Variants in SORT1 observed in about 807,000 individuals in gnomAD.
SORT1 encodes sortilin.
Under a neutral mutation model 101.7 loss-of-function variants are expected in SORT1, and 39 were observed. That is an observed-to-expected ratio of 0.38 (90% CI 0.30 to 0.50). SORT1 has a LOEUF of 0.50. SORT1 is among the 20% of genes least tolerant of loss of function. The pLI is 0.90. For missense variants in SORT1, 878 were observed against 1,040.4 expected, an observed-to-expected ratio of 0.84 and a Z score of 2.15; for synonymous variants, 396 against 393.7, an observed-to-expected ratio of 1.01 and a Z score of -0.07.
intron 14 of SORT1, among the ~76,000 whole-genome samples, chr1:109,324,365 T>C (rs961119392): frequency 6.6e-6 from 1 of 152,200 alleles, no homozygotes; most frequent in Non-Finnish European, 1.5e-5. Flanking sequence ...TTCGAACTCC[T>C]GACCTCGTGA....
chr1:109,342,669 C>T (rs1649306484), intron 8 of SORT1, among the ~76,000 whole-genome samples: 1 of 152,122 alleles, frequency 6.6e-6, no homozygotes, highest in Non-Finnish European at 1.5e-5. Context: ...ATGTAACACG[C>T]CTTCTCTCTA....
chr1:109,333,574 A>G (rs1177432143), intron 11 of SORT1, among the ~76,000 whole-genome samples: 1 of 152,190 alleles, frequency 6.6e-6, no homozygotes, highest in Admixed American at 6.5e-5. Context: ...TAATCCAACT[A>G]AAAAATGGGC....
chr1:109,364,289 T>G (rs1650936899), intron 3 of SORT1, among the ~76,000 whole-genome samples: 1 of 152,190 alleles, frequency 6.6e-6, no homozygotes, highest in Non-Finnish European at 1.5e-5. Context: ...GGTTCTTGTT[T>G]TGGTTTTGAT....
chr1:109,358,089 CA>C (rs1319726099), intron 3 of SORT1, among the ~76,000 whole-genome samples: 1 of 152,160 alleles, frequency 6.6e-6, no homozygotes, highest in Non-Finnish European at 1.5e-5. Flanking sequence ...GCACAACAAA[CA>C]CATCCCTGCC....
At chr1:109,388,213 G>A (rs1234744530) in intron 1 of SORT1, among the ~76,000 whole-genome samples, 1 of 151,798 alleles carries the variant, frequency 6.6e-6, no homozygotes, top group Non-Finnish European at 1.5e-5. Context: ...AACTCTAGAT[G>A]TGCACCACTA....
rs1230620284 is a variant in SORT1, at chr1:109,397,609, T to C, written c.284A>G (p.Lys95Arg). Residue 95 changes from lysine (K) to arginine (R), a missense_variant, in exon 1 of 20, where the codon AAG (lysine) becomes AGG (arginine). Physicochemically the swap from Lys to Arg is conservative, Grantham distance 26 (BLOSUM62 2). Transcript: ENST00000256637. Reference protein sequence around the residue: ...ECGRVRDFVAKLANNTHQHVF... With the variant: ...ECGRVRDFVARLANNTHQHVF... ...CACCTGGTGCGTGTTGTTGGCCAGC[T>C]TGGCGACGAAGTCCCGGACCCGGCC... 9.4e-5 allele frequency: 120 copies of C among 1,282,030 alleles called. No homozygotes were observed. The highest frequency in any genetic ancestry group is 1.1e-4 in the Non-Finnish European group (114 of 1,001,550). 79.4% of individuals were successfully genotyped at this position (1,282,030 alleles called of 1,614,324 possible).
intron 3 of SORT1, among the ~76,000 whole-genome samples, chr1:109,362,393 T>A (rs1302587343): frequency 6.6e-6 from 1 of 152,118 alleles, no homozygotes; most frequent in African/African-American, 2.4e-5. Context: ...AGGTAAAAGA[T>A]CAATAGGGAG....
chr1:109,354,648 G>A, intron 4 of SORT1, 117 bp from the exon 5 acceptor site: 1 of 769,342 alleles, frequency 1.3e-6, no homozygotes, highest in Non-Finnish European at 2.1e-6. Context: ...GAAATAAGAA[G>A]AGTTATAAAA....
At chr1:109,328,912 C>G (rs1339354031) in intron 11 of SORT1, among the ~76,000 whole-genome samples, 1 of 152,202 alleles carries the variant, frequency 6.6e-6, no homozygotes, top group African/African-American at 2.4e-5. Context: ...GTAGGGCCCA[C>G]CCCTGCACCA....
intron 13 of SORT1, 124 bp downstream of exon 13, chr1:109,326,868 A>T: frequency 1.5e-6 from 1 of 657,368 alleles, no homozygotes; most frequent in Admixed American, 2.9e-5. Flanking sequence ...CTAGAATCTT[A>T]TCTATAGTTC....
chr1:109,363,722 T>C (rs966590159), intron 3 of SORT1, among the ~76,000 whole-genome samples: 22 of 152,220 alleles, frequency 1.4e-4, no homozygotes, highest in African/African-American at 5.1e-4. Context: ...AGATTTAGTA[T>C]GCGAAGATGG....
At chr1:109,392,217 T>C (rs1652957221) in intron 1 of SORT1, among the ~76,000 whole-genome samples, 1 of 152,198 alleles carries the variant, frequency 6.6e-6, no homozygotes, top group Admixed American at 6.5e-5. Flanking sequence ...CCATTACAAC[T>C]TGGTGCTAAG....
intron 11 of SORT1, among the ~76,000 whole-genome samples, chr1:109,329,868 T>C (rs1648343543): frequency 6.6e-6 from 1 of 152,168 alleles, no homozygotes; most frequent in South Asian, 2.1e-4. Context: ...CTAACAGACA[T>C]ATACAGAACA....
intron 17 of SORT1, among the ~76,000 whole-genome samples, chr1:109,315,620 C>G (rs182525875): frequency 6.6e-6 from 1 of 152,140 alleles, no homozygotes; most frequent in Non-Finnish European, 1.5e-5. Context: ...AATTGGGAAA[C>G]GGGCCTGCTG....
chr1:109,397,358 GAA>G (rs1015196408), intron 1 of SORT1: 2 of 158,250 alleles, frequency 1.3e-5, no homozygotes, highest in Non-Finnish European at 2.7e-5. Flanking sequence ...AAAAAAAAAA[GAA>G]TGCGGTGGAA....
At chr1:109,396,927 GAA>G (rs1220859922) in intron 1 of SORT1, among the ~76,000 whole-genome samples, 1 of 152,176 alleles carries the variant, frequency 6.6e-6, no homozygotes, top group Non-Finnish European at 1.5e-5. Context: ...CCATAATTTT[GAA>G]AGTCTTTTGA....
chr1:109,390,059 C>T (rs1652806814), intron 1 of SORT1, among the ~76,000 whole-genome samples: 1 of 152,170 alleles, frequency 6.6e-6, no homozygotes, highest in Non-Finnish European at 1.5e-5. Flanking sequence ...CCATCAACTA[C>T]CTCACCCTAA....
chr1:109,395,066 A>C (rs1653113980), intron 1 of SORT1, among the ~76,000 whole-genome samples: 1 of 152,050 alleles, frequency 6.6e-6, no homozygotes, highest in African/African-American at 2.4e-5. Flanking sequence ...ACTACATAAC[A>C]ATTCTTGGTT....
At chr1:109,393,173 C>T in intron 1 of SORT1, 1 of 985,512 alleles carries the variant, frequency 1.0e-6, no homozygotes, top group Non-Finnish European at 1.2e-6. Flanking sequence ...CAAACACACG[C>T]ATTCTTCCCA....
Sources: gnomAD v4.1 joint callset for allele counts (sites outside exome capture counted in the v4.1 genomes callset) on GRCh38, gnomAD v4.1.1 for gene constraint, MANE v1.5 for transcripts, NCBI Gene and HGNC (gene_info 2026-07-23, HGNC 2026-07-21) for gene names.